Variants in KCNH1 observed in about 807,000 individuals in gnomAD.
KCNH1 encodes the protein potassium voltage-gated channel subfamily H member 1.
Under a neutral mutation model 69.2 loss-of-function variants are expected in KCNH1, and 27 were observed. The ratio of observed to expected loss-of-function variants is 0.39; its 90% confidence interval spans 0.29 to 0.54. The LOEUF (loss-of-function observed/expected upper bound fraction) is 0.54, where lower values mean the gene tolerates loss of function less well. KCNH1 is among the 20% of genes least tolerant of loss of function. The probability of loss-of-function intolerance (pLI) is 0.68; values close to 1 mark genes in which losing one functional copy is unlikely to be tolerated. For missense variants in KCNH1, 798 were observed against 1,261.6 expected, an observed-to-expected ratio of 0.63 and a Z score of 5.57; for synonymous variants, 456 against 487.7, an observed-to-expected ratio of 0.93 and a Z score of 0.86.
rs955204255 is a variant in KCNH1, at chr1:210,869,213, A to G, written c.1462+50427T>C. Among the ~76,000 whole-genome samples, 3 of 152,008 alleles carry G rather than the reference A, an allele frequency of 2.0e-5. 1 individual carries two copies. The highest frequency in any genetic ancestry group is 1.9e-4 in the East Asian group (1 of 5,168). ...TTCTCTTTATCAATTTTGTTCAGTA[A>G]TTTGATCATGAACTCCTTTGGTGTG... On this transcript the variant is annotated intron_variant, in intron 7 of 10. Coordinates refer to ENST00000271751, the MANE Select transcript of KCNH1 (RefSeq NM_172362.3).
intron 5 of KCNH1, among the ~76,000 whole-genome samples, chr1:211,074,725 A>G (rs1690702682): frequency 6.6e-6 from 1 of 152,224 alleles, no homozygotes; most frequent in African/African-American, 2.4e-5. Flanking sequence ...TTTTCAGGAA[A>G]AGATATAATC....
Position 211,026,338 on chromosome 1 carries a change from G to A in KCNH1, c.559-7082C>T, listed in dbSNP as rs1240674074. Among the ~76,000 whole-genome samples the A allele has an allele frequency of 2.5e-5, 3 of 118,364 alleles. No individual in the cohort carries two copies. In the Admixed American group the frequency reaches 3.3e-4, roughly 13 times the overall value. The allele number at this position is 118,364 out of a possible 152,430, so 77.7% of individuals were successfully genotyped here. On this transcript the variant is annotated intron_variant, in intron 5 of 10. Transcript: ENST00000271751. ...CCTCATGTGTTCCTGACTTGGAGCT[G>A]AAGAAGCCAGCAACCTGGAAACTCC...
chr1:210,967,867 TTC>T (rs1227428435), intron 6 of KCNH1, among the ~76,000 whole-genome samples: 1 of 151,188 alleles, frequency 6.6e-6, no homozygotes, highest in East Asian at 2.0e-4. Context: ...CAATTTTTTT[TTC>T]TTTTTTTTTT....
chr1:210,896,183 A>G lies in KCNH1; in HGVS notation c.1462+23457T>C, dbSNP rs1021375651. On this transcript the variant is annotated intron_variant, in intron 7 of 10. Transcript: ENST00000271751. ...TGTAAGGGAACTAAAATCCACAATG[A>G]TTAGATGTCAAGTATGAGTTGGTTT... is the stretch of plus-strand genomic sequence containing the variant. Among the ~76,000 whole-genome samples, 3 of 152,144 alleles carry G rather than the reference A, an allele frequency of 2.0e-5. No homozygotes were observed. In the South Asian group the frequency reaches 6.2e-4, roughly 31 times the overall value.
intron 7 of KCNH1, among the ~76,000 whole-genome samples, chr1:210,881,667 C>T (rs566663205): frequency 5.3e-5 from 8 of 152,214 alleles, no homozygotes; most frequent in African/African-American, 1.9e-4. Context: ...GATAAACTAT[C>T]GTACATCCAG....
At chr1:210,782,497 G>T (rs941348565) in intron 9 of KCNH1, among the ~76,000 whole-genome samples, 5 of 152,214 alleles carry the variant, frequency 3.3e-5, no homozygotes, top group Admixed American at 3.3e-4. Context: ...AGGCCGAGGT[G>T]GGCAGAGCAC....
rs531123527 is a variant in KCNH1 at position 211,133,739 on chromosome 1, C to T, written c.79+128G>A. 4 of 810,578 alleles carry T rather than the reference C, an allele frequency of 4.9e-6. No individual in the cohort carries two copies. The South Asian group carries it at 6.7e-5, about 14-fold the overall frequency. 50.2% of individuals were successfully genotyped at this position (810,578 alleles called of 1,614,324 possible). A position where few individuals can be genotyped will look rare whatever the true frequency, so the allele number is the denominator to read the frequency against. ...TGCCTCGGGGAGGCTGCCCTGGGTG[C>T]CCGCGCCGCGGCTCCTTAGCAGAGC... is the stretch of plus-strand genomic sequence containing the variant. On this transcript the variant is annotated intron_variant, in intron 1 of 10. Transcript: ENST00000271751. The surrounding 1 kb of genome is among the most constrained non-coding windows in gnomAD (Gnocchi z 5.4).
At chr1:211,034,253 A>G (rs1333647047) in intron 5 of KCNH1, among the ~76,000 whole-genome samples, 1 of 152,224 alleles carries the variant, frequency 6.6e-6, no homozygotes, top group Non-Finnish European at 1.5e-5. Context: ...CTACTCAGCA[A>G]TAAAAATATA....
intron 4 of KCNH1, among the ~76,000 whole-genome samples, chr1:211,083,336 T>C (rs953222816): frequency 6.6e-6 from 1 of 152,234 alleles, no homozygotes; most frequent in Non-Finnish European, 1.5e-5. Context: ...GCAGAAACAG[T>C]TGGTTCTGCA....
At chr1:210,729,779 C>T (rs1219949788) in intron 10 of KCNH1, among the ~76,000 whole-genome samples, 1 of 152,054 alleles carries the variant, frequency 6.6e-6, no homozygotes, top group Admixed American at 6.6e-5. Context: ...AGATGATGAC[C>T]CCTCTCAAAA....
chr1:210,908,430 C>T (rs947309835), intron 7 of KCNH1, among the ~76,000 whole-genome samples: 13 of 152,134 alleles, frequency 8.5e-5, no homozygotes, highest in East Asian at 1.9e-4. Flanking sequence ...TAATTAAACA[C>T]CTGAGCTTCC....
At chr1:211,056,905 T>C (rs371344615) in intron 5 of KCNH1, among the ~76,000 whole-genome samples, 1 of 152,140 alleles carries the variant, frequency 6.6e-6, no homozygotes, top group East Asian at 1.9e-4. Context: ...TTTGAATACA[T>C]GGAAAGCCCT....
At chr1:210,981,803 G>T (rs1428644469) in intron 6 of KCNH1, among the ~76,000 whole-genome samples, 1 of 151,964 alleles carries the variant, frequency 6.6e-6, no homozygotes, top group Non-Finnish European at 1.5e-5. Flanking sequence ...TTTCCTCTTA[G>T]TTCTAGAGGT....
At chr1:210,773,722 A>T (rs949044619) in intron 10 of KCNH1, among the ~76,000 whole-genome samples, 1 of 152,022 alleles carries the variant, frequency 6.6e-6, no homozygotes, top group Non-Finnish European at 1.5e-5. Context: ...CCCCTCCTTT[A>T]TGCTCCCATA....
intron 3 of KCNH1, among the ~76,000 whole-genome samples, chr1:211,100,091 G>T (rs534668017): frequency 1.1e-4 from 16 of 152,030 alleles, no homozygotes; most frequent in African/African-American, 3.6e-4. Context: ...CAAACTCCTG[G>T]GCTCAAACGA....
intron 5 of KCNH1, among the ~76,000 whole-genome samples, chr1:211,030,062 A>C (rs1689754024): frequency 1.3e-5 from 2 of 152,226 alleles, no homozygotes; most frequent in Non-Finnish European, 2.9e-5. Flanking sequence ...GACAAAACAT[A>C]CTGAAGATAT....
intron 6 of KCNH1, among the ~76,000 whole-genome samples, chr1:210,920,828 C>T (rs1001748567): frequency 6.6e-6 from 1 of 152,156 alleles, no homozygotes; most frequent in Non-Finnish European, 1.5e-5. Flanking sequence ...TATCATCAGA[C>T]ACCACCTACT....
intron 7 of KCNH1, among the ~76,000 whole-genome samples, chr1:210,906,859 G>A (rs1687112757): frequency 6.6e-6 from 1 of 152,182 alleles, no homozygotes; most frequent in South Asian, 2.1e-4. Context: ...TCACACTGAT[G>A]CCATGCTGAT....
At chr1:211,024,004 A>C (rs773183448) in intron 5 of KCNH1, among the ~76,000 whole-genome samples, 1 of 152,178 alleles carries the variant, frequency 6.6e-6, no homozygotes, top group Admixed American at 6.5e-5. Flanking sequence ...AATTACCCCA[A>C]TTTCATCATT....
Sources: allele counts gnomAD v4.1 joint callset (sites outside exome capture counted in the v4.1 genomes callset), GRCh38; gene constraint gnomAD v4.1.1; non-coding constraint Gnocchi (gnomAD v3.1); transcripts MANE v1.5; gene names NCBI Gene and HGNC (gene_info 2026-07-23, HGNC 2026-07-21).